MLXIPL: variants seen among roughly 807,000 people sequenced by gnomAD.
The protein encoded by MLXIPL is MLX interacting protein like.
Under a neutral mutation model 81.5 loss-of-function variants are expected in MLXIPL, and 49 were observed. The observed-to-expected ratio is 0.60, with a 90% CI of 0.48 to 0.76. The LOEUF (loss-of-function observed/expected upper bound fraction) is 0.76. MLXIPL is among the 30% of genes least tolerant of loss of function. The pLI is 0.00. For synonymous variants in MLXIPL, 466 were observed against 485.5 expected (o/e 0.96, Z 0.53); for missense variants, 1,053 against 1,167.0 (o/e 0.90, Z 1.42).
At chr7:73,620,512 G>A (rs182109066) in intron 1 of MLXIPL, among the ~76,000 whole-genome samples, 3 of 151,034 alleles carry the variant, frequency 2.0e-5, no homozygotes, top group Admixed American at 6.6e-5. Flanking sequence ...AGGCCGAGAC[G>A]GGTGGATCAC....
chr7:73,608,584 GA>G (rs797043259), intron 2 of MLXIPL, among the ~76,000 whole-genome samples: 1,350 of 134,612 alleles, frequency 0.01, 15 homozygotes, highest in Non-Finnish European at 0.015. Flanking sequence ...CCATCTCAAA[GA>G]AAAAAAAAAA....
At chr7:73,626,545 A>G (rs1554603930), upstream of MLXIPL, among the ~76,000 whole-genome samples, 1 of 151,942 alleles carries the variant, frequency 6.6e-6, no homozygotes, top group Non-Finnish European at 1.5e-5. Context: ...GCCACTGTAC[A>G]TGGCCTTTCT....
chr7:73,639,460 G>A, the MLXIPL span, among the ~76,000 whole-genome samples: 2 of 152,134 alleles, frequency 1.3e-5, no homozygotes, highest in African/African-American at 4.8e-5. Flanking sequence ...GAAATACTAT[G>A]CAGGTGTTAA....
chr7:73,632,202 A>T, the MLXIPL span, among the ~76,000 whole-genome samples: 2 of 151,490 alleles, frequency 1.3e-5, no homozygotes, highest in African/African-American at 4.8e-5. Context: ...GAGTCTCATT[A>T]TGCTGTCCAA....
the MLXIPL span, among the ~76,000 whole-genome samples, chr7:73,645,303 C>T: frequency 2.6e-5 from 4 of 152,238 alleles, no homozygotes; most frequent in East Asian, 7.7e-4. Context: ...GTTGAGATTA[C>T]AGGCTTGAGC....
intron 7 of MLXIPL, among the ~76,000 whole-genome samples, chr7:73,604,499 G>A (rs781798875): frequency 7.2e-5 from 11 of 152,064 alleles, no homozygotes; most frequent in Non-Finnish European, 1.6e-4. Context: ...CTTGAGCCTG[G>A]GAGGTTGAGG....
chr7:73,615,235 C>T (rs1554600541), intron 2 of MLXIPL, among the ~76,000 whole-genome samples: 2 of 152,132 alleles, frequency 1.3e-5, no homozygotes, highest in Admixed American at 6.6e-5. Context: ...GTTCCTTCCA[C>T]GAGATGGCAT....
chr7:73,599,457 G>A, intron 8 of MLXIPL, 69 bp downstream of exon 8: 2 of 1,577,706 alleles, frequency 1.3e-6, no homozygotes, highest in East Asian at 2.2e-5. Context: ...GATACCTCCT[G>A]GACATGAACA....
chr7:73,644,767 G>T, the MLXIPL span, among the ~76,000 whole-genome samples: 1 of 152,184 alleles, frequency 6.6e-6, no homozygotes, highest in Non-Finnish European at 1.5e-5. Context: ...GGGACTCAGG[G>T]ATGGAAAACG....
At chr7:73,610,967 G>A (rs1584125447) in intron 2 of MLXIPL, 1 of 151,290 alleles carries the variant, frequency 6.6e-6, no homozygotes, top group African/African-American at 2.4e-5. Flanking sequence ...GGGATTACAG[G>A]TGAGCGCCAC....
Position 73,623,051 on chromosome 7 carries a change from C to G in MLXIPL, c.293+1149G>C, listed in dbSNP as rs1327516230. ...TTCCACACGGGTCCGACGCCCTGGC[C>G]GATCGGGTTGCAACATGACCTGGGC... is the stretch of plus-strand genomic sequence containing the variant. On this transcript the variant is annotated intron_variant, in intron 1 of 16. Coordinates refer to ENST00000313375, the MANE Select transcript of MLXIPL (RefSeq NM_032951.3). The surrounding 1 kb of genome is among the most constrained non-coding windows in gnomAD (Gnocchi z 5.7). 2.6e-5 allele frequency among the ~76,000 whole-genome samples: 4 copies of G among 152,088 alleles called. No individual in the cohort carries two copies. The highest frequency in any genetic ancestry group is 1.3e-4 in the Admixed American group (2 of 15,246).
At chr7:73,608,010 C>T (rs1411363348) in intron 2 of MLXIPL, among the ~76,000 whole-genome samples, 1 of 151,808 alleles carries the variant, frequency 6.6e-6, no homozygotes, top group Non-Finnish European at 1.5e-5. Flanking sequence ...GCGCCCACGA[C>T]CAGGCCCAGC....
the MLXIPL span, among the ~76,000 whole-genome samples, chr7:73,639,625 T>A: frequency 1.0e-4 from 15 of 150,020 alleles, no homozygotes; most frequent in African/African-American, 3.2e-4. Flanking sequence ...AAAAAAAAAA[T>A]GGAGATAATA....
chr7:73,607,115 C>A, intron 4 of MLXIPL, 97 bp from the exon 5 acceptor site: 1 of 1,487,482 alleles, frequency 6.7e-7, no homozygotes, highest in Non-Finnish European at 9.2e-7. Flanking sequence ...TGAGATCCCC[C>A]ATTTCCCATC....
chr7:73,616,233 G>A, intron 1 of MLXIPL, 56 bp from the exon 2 acceptor site: 1 of 1,436,242 alleles, frequency 7.0e-7, no homozygotes, highest in Admixed American at 1.7e-5. Flanking sequence ...ACAGAGGCTG[G>A]TCCCCATATT....
chr7:73,636,435 G>C, the MLXIPL span, among the ~76,000 whole-genome samples: 1 of 151,552 alleles, frequency 6.6e-6, no homozygotes, highest in African/African-American at 2.4e-5. Flanking sequence ...GACGAAGTGA[G>C]AATTAGTCAC....
chr7:73,602,078 GCCTGCCTGCCTGCCTGCCTT>G (rs1554596453), intron 7 of MLXIPL, among the ~76,000 whole-genome samples: 16 of 105,216 alleles, frequency 1.5e-4, no homozygotes, highest in African/African-American at 1.9e-4. Context: ...CCACCTGCCT[GCCTGCCTGCCTGCCTGCCTT>G]CCTGCCTGCC....
Position 73,593,577 on chromosome 7 carries a change from C to T in MLXIPL, c.*288G>A. On this transcript the variant is annotated 3_prime_UTR_variant, in exon 17 of 17. Coordinates refer to ENST00000313375, the MANE Select transcript of MLXIPL (RefSeq NM_032951.3). Reference sequence around the variant, plus strand: ...GCCTGGGGGTCATCTGCTGATTGAACCTTCCCCATCCCCATTTTGCAGATT... The same window carrying T: ...GCCTGGGGGTCATCTGCTGATTGAATCTTCCCCATCCCCATTTTGCAGATT... The T allele has an allele frequency of 5.0e-6, 2 of 400,638 alleles. No individual in the cohort carries two copies. The highest frequency in any genetic ancestry group is 9.5e-6 in the Non-Finnish European group (2 of 210,006). The allele number at this position is 400,638 out of a possible 1,614,324, so 24.8% of individuals were successfully genotyped here. A position where few individuals can be genotyped will look rare whatever the true frequency, so the allele number is the denominator to read the frequency against.
At position 73,624,471 on chromosome 7, in the gene MLXIPL, G is replaced by A. The variant is rs557125342; in HGVS notation, c.22C>T (p.Leu8=). 3.6e-4 allele frequency: 549 copies of A among 1,537,006 alleles called. 2 individuals are homozygous for A. The highest frequency in any genetic ancestry group is 2.4e-3 in the Middle Eastern group (12 of 5,066). MAGALAG[L]AAGLQVPRVA... ...CGCGGGACCTGCAAGCCCGCGGCCA[G>A]ACCTGCCAGCGCGCCGGCCATGGCT... Residue 8 remains leucine (L), a synonymous_variant, in exon 1 of 17, where the codon CTG becomes TTG. Transcript: ENST00000313375.
Sources: allele counts gnomAD v4.1 joint callset (sites outside exome capture counted in the v4.1 genomes callset), GRCh38; gene constraint gnomAD v4.1.1; non-coding constraint Gnocchi (gnomAD v3.1); transcripts MANE v1.5; gene names NCBI Gene and HGNC (gene_info 2026-07-23, HGNC 2026-07-21).